The following ENO1 variants were observed in gnomAD, a reference collection of about 807,000 sequenced individuals.
ENO1 encodes the protein enolase 1.
In ENO1, 33 loss-of-function variants were observed where a neutral mutation model predicts 46.3. The observed-to-expected ratio is 0.71, with a 90% CI of 0.54 to 0.95. The LOEUF is 0.95. Ranked by LOEUF, ENO1 falls within the 40% of genes least tolerant of loss-of-function variation. The pLI, the probability that ENO1 is intolerant of heterozygous loss-of-function variation, is 0.00. For missense variants in ENO1, 488 were observed against 553.3 expected (o/e 0.88, Z 1.18); for synonymous variants, 220 against 216.0 (o/e 1.02, Z -0.16).
chr1:8,871,564 C>A, intron 3 of ENO1: 1 of 1,082,088 alleles, frequency 9.2e-7, no homozygotes, highest in Non-Finnish European at 1.1e-6. Flanking sequence ...GATGGGGAAA[C>A]TTTTCTTTAG....
chr1:8,865,410 G>C lies in ENO1; in HGVS notation c.740C>G (p.Ala247Gly). The C allele has an allele frequency of 6.2e-7, 1 of 1,614,088 alleles. No homozygotes were observed. Among genetic ancestry groups the C allele is most frequent in the Non-Finnish European group, 8.5e-7 (1 of 1,180,044 alleles). The change falls in exon 8 of 12, where the codon GCG becomes GGG. Residue 247 changes from alanine to glycine, a missense_variant. Physicochemically the swap from Ala to Gly is moderately conservative, Grantham distance 60. Transcript: ENST00000234590. ...TDKVVIGMDV[A>G]ASEFFRSGKY... ...CCCAGACCTGAAGAACTCGGAGGCC[G>C]CTACGTCCATGCCGATGACCACCTT...
At chr1:8,870,313 ATTGT>A in intron 4 of ENO1, 135 bp downstream of exon 4, 3 of 1,090,608 alleles carry the variant, frequency 2.8e-6, no homozygotes, top group Non-Finnish European at 4.0e-6. Flanking sequence ...TCATGCATGG[ATTGT>A]TCTCGTGCGT....
chr1:8,871,308 T>C, intron 3 of ENO1: 3 of 994,070 alleles, frequency 3.0e-6, no homozygotes, highest in Non-Finnish European at 3.6e-6. Context: ...TTTTCTGTAA[T>C]TTGGCCACAT....
At chr1:8,871,594 T>C (rs1371547708) in intron 3 of ENO1, 2 of 1,175,442 alleles carry the variant, frequency 1.7e-6, no homozygotes, top group East Asian at 4.8e-5. Context: ...CCTGTTCTCA[T>C]GCTTGGGTTC....
In ENO1 at chr1:8,861,407, T is replaced by A; in HGVS notation, c.1258A>T (p.Lys420Ter). The A allele has an allele frequency of 6.2e-7, 1 of 1,614,088 alleles. No homozygotes were observed. Among genetic ancestry groups the A allele is most frequent in the Non-Finnish European group, 8.5e-7 (1 of 1,179,992 alleles). ...AAGTTCCTGCCGGCAAACTTAGCCT[T>A]GCTGCCCAGCTCCTCTTCAATTCTT... ...LLRIEEELGS[K>*]AKFAGRNFRN... The change falls in exon 12 of 12, where the codon AAG becomes TAG. Residue 420 changes from lysine (K) to a stop codon, truncating the protein, a stop_gained. Coordinates refer to ENST00000234590, the MANE Select transcript of ENO1 (RefSeq NM_001428.5). LOFTEE classifies it high-confidence loss of function.
intron 2 of ENO1, among the ~76,000 whole-genome samples, chr1:8,872,943 G>A (rs551931667): frequency 1.3e-5 from 2 of 152,334 alleles, no homozygotes; most frequent in South Asian, 4.1e-4. Flanking sequence ...CCTGTAACAA[G>A]GGCAATCTTT....
At position 8,878,643 on chromosome 1, in the gene ENO1, G is replaced by A. The variant is rs773774836; in HGVS notation, c.-73C>T. 1 of 456,108 alleles carries A rather than the reference G, an allele frequency of 2.2e-6. No individual in the cohort carries two copies. The allele number at this position is 456,108 out of a possible 1,614,324, so 28.3% of individuals were successfully genotyped here. ...GGGTGCTGCAGACACCGAGGTGAACGTAAAGCCGGCGAGATCTCCGTGCTC... is the reference window on the plus strand; with the variant it reads ...GGGTGCTGCAGACACCGAGGTGAACATAAAGCCGGCGAGATCTCCGTGCTC... On this transcript the variant is annotated 5_prime_UTR_variant, in exon 1 of 12. In the 5' UTR this introduces an upstream ATG that the reference lacks. Coordinates refer to ENST00000234590, the MANE Select transcript of ENO1 (RefSeq NM_001428.5).
In ENO1 at chr1:8,872,790, G is replaced by T. The variant is rs553531836; in HGVS notation, c.86-804C>A. 3.3e-5 allele frequency among the ~76,000 whole-genome samples: 5 copies of T among 152,270 alleles called. No homozygotes were observed. The East Asian group carries it at 7.7e-4, about 24-fold the overall frequency. On this transcript the variant is annotated intron_variant, in intron 2 of 11. Transcript: ENST00000234590. ...GACAATGCTAAATGCTATTTTAGGG[G>T]TTCTATGCCCAACTGGAAACTGGCA...
rs573572710 is a variant in ENO1 at position 8,871,804 on chromosome 1, A to G, written c.181+87T>C. The G allele has an allele frequency of 3.2e-5, 46 of 1,438,738 alleles. 1 individual carries two copies. In the South Asian group the frequency reaches 5.2e-4, roughly 16 times the overall value. The allele number at this position is 1,438,738 out of a possible 1,614,324, so 89.1% of individuals were successfully genotyped here. A position where few individuals can be genotyped will look rare whatever the true frequency, so the allele number is the denominator to read the frequency against. On this transcript the variant is annotated intron_variant, in intron 3 of 11. Coordinates refer to ENST00000234590, the MANE Select transcript of ENO1 (RefSeq NM_001428.5). The stretch of plus-strand genomic sequence containing the variant: ...TACCTGCCATAAACCTGCAAGTGCA[A>G]GTGCCACCCAGAGAGGACAGGACTG...
Position 8,867,207 on chromosome 1 carries a change from G to C in ENO1, c.354C>G (p.Val118=), listed in dbSNP as rs1276063888. The change falls in exon 6 of 12, where the codon GTC becomes GTG. Residue 118 remains valine, a synonymous_variant. Coordinates refer to ENST00000234590, the MANE Select transcript of ENO1 (RefSeq NM_001428.5). The part of the protein sequence containing the change: ...ANAILGVSLA[V]CKAGAVEKGV... ...CCTTCTCAACGGCACCAGCTTTGCA[G>C]ACGGCAAGGGACACCCCCAGAATGG... 6.2e-7 allele frequency: 1 copy of C among 1,614,104 alleles called. No individual in the cohort carries two copies. Among genetic ancestry groups the C allele is most frequent in the Non-Finnish European group, 8.5e-7 (1 of 1,180,044 alleles).
chr1:8,872,919 T>C (rs1470945079), intron 2 of ENO1, among the ~76,000 whole-genome samples: 3 of 152,248 alleles, frequency 2.0e-5, no homozygotes, highest in African/African-American at 4.8e-5. Flanking sequence ...ACCAGCCATC[T>C]GGTGAAACCT....
In ENO1 at chr1:8,870,897, G is replaced by A. The variant is rs1642618319; in HGVS notation, c.182-387C>T. On this transcript the variant is annotated intron_variant, in intron 3 of 11. Coordinates refer to ENST00000234590, the MANE Select transcript of ENO1 (RefSeq NM_001428.5). ...GTCTGGAGACGCCTGCCCAGCAGAG[G>A]ATGAAGAAGGAAAAATGAGAGAGAC... 8 of 1,254,926 alleles carry A rather than the reference G, an allele frequency of 6.4e-6. No homozygotes were observed. The East Asian group carries it at 1.5e-4, about 23-fold the overall frequency. 77.7% of individuals were successfully genotyped at this position (1,254,926 alleles called of 1,614,324 possible). A position where few individuals can be genotyped will look rare whatever the true frequency, so the allele number is the denominator to read the frequency against.
At chr1:8,869,721 G>A (rs1487423961) in intron 4 of ENO1, among the ~76,000 whole-genome samples, 1 of 152,048 alleles carries the variant, frequency 6.6e-6, no homozygotes, top group Non-Finnish European at 1.5e-5. Flanking sequence ...CACCATGCCC[G>A]GCCAATTTTT....
At chr1:8,878,492 G>T (rs767345152) in intron 1 of ENO1, 88 bp downstream of exon 1, 11 of 389,764 alleles carry the variant, frequency 2.8e-5, no homozygotes, top group Non-Finnish European at 5.2e-5. Flanking sequence ...CTGCGGGCGC[G>T]CCGCCTCCCT....
intron 11 of ENO1, among the ~76,000 whole-genome samples, chr1:8,862,342 T>C (rs1270541535): frequency 6.6e-6 from 1 of 151,738 alleles, no homozygotes; most frequent in Non-Finnish European, 1.5e-5. Context: ...AGGATACAGT[T>C]TGAATGAAGG....
intron 1 of ENO1, among the ~76,000 whole-genome samples, chr1:8,877,123 A>T (rs998386830): frequency 1.3e-5 from 2 of 151,856 alleles, no homozygotes; most frequent in African/African-American, 4.8e-5. Flanking sequence ...ACACCCGGCT[A>T]ATTTTTTGTA....
At chr1:8,868,926 C>T (rs896265477) in intron 4 of ENO1, among the ~76,000 whole-genome samples, 1 of 152,154 alleles carries the variant, frequency 6.6e-6, no homozygotes, top group African/African-American at 2.4e-5. Flanking sequence ...ATCTGCCCAC[C>T]TCAGCCTCCT....
intron 2 of ENO1, 118 bp downstream of exon 2, chr1:8,874,706 C>A: frequency 2.3e-6 from 2 of 853,402 alleles, no homozygotes; most frequent in Non-Finnish European, 1.8e-6. Flanking sequence ...CTAGCATGTG[C>A]AGACAGAAAG....
At chr1:8,871,292 A>T (rs1195341616) in intron 3 of ENO1, 1 of 997,904 alleles carries the variant, frequency 1.0e-6, no homozygotes, top group African/African-American at 1.7e-5. Flanking sequence ...ATCTAGCCCT[A>T]TGTGCTTTTC....
Sources: gnomAD v4.1 joint callset for allele counts (sites outside exome capture counted in the v4.1 genomes callset) on GRCh38, gnomAD v4.1.1 for gene constraint, MANE v1.5 for transcripts, NCBI Gene and HGNC (gene_info 2026-07-23, HGNC 2026-07-21) for gene names.